ARHGAP32: variants seen among roughly 807,000 people sequenced by gnomAD.
The protein encoded by ARHGAP32 is Rho GTPase activating protein 32.
Under a neutral mutation model 186.5 loss-of-function variants are expected in ARHGAP32, and 51 were observed. That is an observed-to-expected ratio of 0.27 (90% CI 0.22 to 0.35). ARHGAP32 has a LOEUF of 0.35. Among genes scored for constraint, ARHGAP32 ranks in the 10% least tolerant of loss-of-function variants. ARHGAP32 has a pLI of 1.00. For synonymous variants in ARHGAP32, 950 were observed against 964.3 expected (o/e 0.99, Z 0.27); for missense variants, 2,186 against 2,623.5 (o/e 0.83, Z 3.64).
chr11:129,105,118 A>T (rs1444938921), intron 5 of ARHGAP32, among the ~76,000 whole-genome samples: 10 of 152,184 alleles, frequency 6.6e-5, no homozygotes. Flanking sequence ...ATTGCTTAAA[A>T]ATACAGTAAG....
intron 1 of ARHGAP32, among the ~76,000 whole-genome samples, chr11:129,218,247 C>T (rs891681100): frequency 1.3e-5 from 2 of 152,168 alleles, no homozygotes; most frequent in East Asian, 1.9e-4. Context: ...ATAAGACAAA[C>T]TTATCGATAG....
At chr11:129,197,714 T>A (rs886910137) in intron 1 of ARHGAP32, among the ~76,000 whole-genome samples, 7 of 152,218 alleles carry the variant, frequency 4.6e-5, no homozygotes, top group Non-Finnish European at 8.8e-5. Context: ...GAGCACAATA[T>A]ATATAATGTA....
chr11:129,070,392 G>A (rs1478828811), intron 6 of ARHGAP32, among the ~76,000 whole-genome samples: 3 of 152,014 alleles, frequency 2.0e-5, no homozygotes, highest in Non-Finnish European at 4.4e-5. Flanking sequence ...ATGGAGTATA[G>A]CAGGCAAATA....
At chr11:129,237,672 G>C (rs553249012) in intron 1 of ARHGAP32, among the ~76,000 whole-genome samples, 1 of 152,134 alleles carries the variant, frequency 6.6e-6, no homozygotes, top group Non-Finnish European at 1.5e-5. Context: ...GTCCAGTGTG[G>C]TGCAACAGTA....
intron 2 of ARHGAP32, among the ~76,000 whole-genome samples, chr11:129,142,984 C>T (rs1488889217): frequency 6.9e-6 from 1 of 145,492 alleles, no homozygotes; most frequent in African/African-American, 2.5e-5. Context: ...AATATCATTT[C>T]TGCTTAAAAT....
chr11:129,217,247 G>A (rs1239586272), intron 1 of ARHGAP32, among the ~76,000 whole-genome samples: 1 of 152,088 alleles, frequency 6.6e-6, no homozygotes, highest in Non-Finnish European at 1.5e-5. Context: ...ATCAAAACCT[G>A]TATGTCCCCC....
chr11:129,157,237 T>C (rs530425115), intron 2 of ARHGAP32, among the ~76,000 whole-genome samples: 93 of 152,054 alleles, frequency 6.1e-4, no homozygotes, highest in African/African-American at 2.1e-3. Flanking sequence ...GTCTGACGAA[T>C]TGACAGAAGC....
chr11:129,113,627 TA>T, intron 5 of ARHGAP32, among the ~76,000 whole-genome samples: 1 of 152,074 alleles, frequency 6.6e-6, no homozygotes, highest in Non-Finnish European at 1.5e-5. Context: ...TGCAAAACTC[TA>T]AAAAAATTTC....
At chr11:129,052,659 A>T (rs1477054741) in intron 10 of ARHGAP32, among the ~76,000 whole-genome samples, 5 of 151,838 alleles carry the variant, frequency 3.3e-5, no homozygotes, top group Non-Finnish European at 7.4e-5. Context: ...GTACTATTAT[A>T]CATGGGTTTT....
At chr11:129,254,663 T>C (rs1945230409) in intron 1 of ARHGAP32, among the ~76,000 whole-genome samples, 1 of 152,230 alleles carries the variant, frequency 6.6e-6, no homozygotes, top group South Asian at 2.1e-4. Context: ...TATTTCACTA[T>C]TCCTGTTTCA....
intron 12 of ARHGAP32, among the ~76,000 whole-genome samples, chr11:128,996,417 T>C (rs1263568772): frequency 6.6e-6 from 1 of 152,198 alleles, no homozygotes; most frequent in Non-Finnish European, 1.5e-5. Flanking sequence ...TACACTGTTA[T>C]TTTTCATTAT....
chr11:129,154,044 A>G (rs1250277943), intron 2 of ARHGAP32, among the ~76,000 whole-genome samples: 4 of 152,132 alleles, frequency 2.6e-5, no homozygotes, highest in African/African-American at 4.8e-5. Context: ...CAAGAAAAAA[A>G]AAATCCCATC....
At chr11:129,241,370 G>A (rs1945015395) in intron 1 of ARHGAP32, among the ~76,000 whole-genome samples, 1 of 152,176 alleles carries the variant, frequency 6.6e-6, no homozygotes, top group African/African-American at 2.4e-5. Context: ...TAGTCCAGGT[G>A]CAAGAGCTCA....
In ARHGAP32 at chr11:128,974,382, T is replaced by A. The variant is rs761467246; in HGVS notation, c.2815A>T (p.Thr939Ser). The A allele has an allele frequency of 1.2e-6, 2 of 1,614,238 alleles. No individual in the cohort carries two copies. The highest frequency in any genetic ancestry group is 3.3e-5 in the Admixed American group (2 of 60,036). ...LPPRVSEVIG[T>S]VSNTTAQNAS... ...TTCTGAGCTGTGGTATTTGAGACTGTACCAATGACTTCTGACACCCGTGGT... is the reference window on the plus strand; with the variant it reads ...TTCTGAGCTGTGGTATTTGAGACTGAACCAATGACTTCTGACACCCGTGGT... Residue 939 changes from threonine to serine, a missense_variant, in exon 21 of 23, where the codon ACA becomes TCA. Around this residue, in one of 5 missense-constraint regions of ARHGAP32, gnomAD observed 1,502 missense variants for 1,570.0 expected, o/e 0.96. Transcript: ENST00000682385.
intron 2 of ARHGAP32, among the ~76,000 whole-genome samples, chr11:129,126,198 G>A (rs1329844020): frequency 6.6e-6 from 1 of 152,176 alleles, no homozygotes; most frequent in East Asian, 1.9e-4. Flanking sequence ...TAAAGAGCCA[G>A]GCGGTAAATA....
intron 13 of ARHGAP32, 35 bp downstream of exon 13, chr11:128,987,988 A>G: frequency 3.4e-6 from 2 of 584,876 alleles, no homozygotes; most frequent in Non-Finnish European, 5.2e-6. Context: ...TTAATTAGTT[A>G]AGAAGGAGTG....
chr11:129,024,982 G>GA (rs1938770009), intron 11 of ARHGAP32, among the ~76,000 whole-genome samples: 1 of 152,022 alleles, frequency 6.6e-6, no homozygotes. Flanking sequence ...ATTTATTGAA[G>GA]AAACAAATGA....
At chr11:129,144,800 T>C (rs1391164473) in intron 2 of ARHGAP32, among the ~76,000 whole-genome samples, 1 of 152,184 alleles carries the variant, frequency 6.6e-6, no homozygotes, top group Non-Finnish European at 1.5e-5. Flanking sequence ...CTAGCTCTTC[T>C]GCAGCAAGGG....
chr11:129,139,346 T>C (rs1211412047), intron 2 of ARHGAP32, among the ~76,000 whole-genome samples: 1 of 152,216 alleles, frequency 6.6e-6, no homozygotes, highest in Admixed American at 6.5e-5. Context: ...ATCAACATTT[T>C]CATTTAACAT....
Sources: gnomAD v4.1 joint callset for allele counts (sites outside exome capture counted in the v4.1 genomes callset) on GRCh38, gnomAD v4.1.1 for gene constraint, gnomAD v4.1.1 regional missense constraint, MANE v1.5 for transcripts, NCBI Gene and HGNC (gene_info 2026-07-23, HGNC 2026-07-21) for gene names.